Variants in MTREX observed in about 807,000 individuals in gnomAD.
The protein encoded by MTREX is exosome RNA helicase MTR4.
A neutral mutation model predicts 135.4 loss-of-function variants in MTREX; 76 were observed. The observed-to-expected ratio is 0.56, with a 90% confidence interval of 0.47 to 0.68. MTREX has a LOEUF of 0.68. Among genes scored for constraint, MTREX ranks in the 30% least tolerant of loss-of-function variants. The pLI, the probability that MTREX is intolerant of heterozygous loss-of-function variation, is 0.00. For synonymous variants in MTREX, 404 were observed against 401.6 expected (o/e 1.01, Z -0.07); for missense variants, 920 against 1,262.1 (o/e 0.73, Z 4.11).
chr5:55,372,844 C>T (rs1445317078), intron 16 of MTREX, among the ~76,000 whole-genome samples: 4 of 144,996 alleles, frequency 2.8e-5, no homozygotes, highest in Non-Finnish European at 6.0e-5. Flanking sequence ...AAAGCATGAA[C>T]AACAGAAGAA....
chr5:55,397,550 AGTATAAATTTTAT>A (rs1750664640), intron 20 of MTREX, 24 bp downstream of exon 20: 2 of 1,396,548 alleles, frequency 1.4e-6, no homozygotes, highest in Non-Finnish European at 2.0e-6. Flanking sequence ...TCATAAGTTA[AGTATAAATTTTAT>A]GTAAATACAG....
chr5:55,361,233 T>TA (rs1750000885), intron 15 of MTREX, among the ~76,000 whole-genome samples: 1 of 152,208 alleles, frequency 6.6e-6, no homozygotes, highest in Non-Finnish European at 1.5e-5. Flanking sequence ...ACTGAGTACT[T>TA]AAAGTCATTT....
intron 2 of MTREX, 39 bp from the exon 3 acceptor site, chr5:55,324,093 T>C (rs1032123298): frequency 2.8e-6 from 4 of 1,432,016 alleles, no homozygotes; most frequent in East Asian, 4.8e-5. Context: ...TATAGAAAAG[T>C]AATTTGTTTT....
intron 1 of MTREX, among the ~76,000 whole-genome samples, chr5:55,311,547 G>T (rs1218391747): frequency 6.6e-6 from 1 of 152,138 alleles, no homozygotes; most frequent in Non-Finnish European, 1.5e-5. Context: ...TCCTGGATTT[G>T]CTTTCTTAAA....
At chr5:55,391,125 G>A (rs1220877620) in intron 19 of MTREX, among the ~76,000 whole-genome samples, 1 of 152,074 alleles carries the variant, frequency 6.6e-6, no homozygotes, top group Non-Finnish European at 1.5e-5. Flanking sequence ...CCTTTAGAGT[G>A]CACCTAGCTT....
intron 16 of MTREX, among the ~76,000 whole-genome samples, chr5:55,373,047 A>AT (rs113177192): frequency 6.7e-5 from 10 of 149,918 alleles, no homozygotes; most frequent in Admixed American, 1.3e-4. Flanking sequence ...TAGAAATTAG[A>AT]TTTTTTTTAA....
At chr5:55,400,960 G>A (rs1469360530) in intron 21 of MTREX, among the ~76,000 whole-genome samples, 1 of 152,142 alleles carries the variant, frequency 6.6e-6, no homozygotes, top group African/African-American at 2.4e-5. Flanking sequence ...TGTCTTCAGG[G>A]TTTATGCCTG....
At chr5:55,412,248 T>C (rs1490968993) in intron 23 of MTREX, among the ~76,000 whole-genome samples, 2 of 152,212 alleles carry the variant, frequency 1.3e-5, no homozygotes, top group Non-Finnish European at 2.9e-5. Context: ...CTAGTAAATA[T>C]AGTAAAATAC....
At chr5:55,408,509 CTTTT>C (rs2111608829) in intron 22 of MTREX, among the ~76,000 whole-genome samples, 1 of 152,178 alleles carries the variant, frequency 6.6e-6, no homozygotes, top group South Asian at 2.1e-4. Context: ...TAGTTTTTGA[CTTTT>C]ATTTATAAAT....
Position 55,378,367 on chromosome 5 carries a change from A to C in MTREX, c.1864A>C (p.Ser622Arg), listed in dbSNP as rs370017938. The change falls in exon 17 of 27, where the codon AGT (serine) becomes CGT (arginine). Residue 622 changes from serine (S) to arginine (R), a missense_variant. Physicochemically the swap from Ser to Arg is moderately radical, Grantham distance 110 (BLOSUM62 -1). This residue lies in a region of MTREX where 467 missense variants were observed against 589.7 expected (regional missense o/e 0.79). Transcript: ENST00000230640. ...YNKIVIPNEE[S>R]VVIYYKIRQQ... ...TAAAATAGTAATTCCCAATGAAGAA[A>C]GTGTGGTTATCTATTATAAGATTAG... The C allele has an allele frequency of 1.9e-6, 3 of 1,609,552 alleles. No homozygotes were observed. The African/African-American group carries it at 4.0e-5, about 22-fold the overall frequency.
At chr5:55,418,104 G>A (rs948947086) in intron 25 of MTREX, among the ~76,000 whole-genome samples, 3 of 151,194 alleles carry the variant, frequency 2.0e-5, no homozygotes, top group Non-Finnish European at 1.5e-5. Flanking sequence ...TGTGGTGGCA[G>A]GAGCCTGTAG....
intron 19 of MTREX, among the ~76,000 whole-genome samples, chr5:55,390,528 CATTG>C (rs1750550905): frequency 6.6e-6 from 1 of 152,254 alleles, no homozygotes; most frequent in African/African-American, 2.4e-5. Flanking sequence ...CTCTGAATTA[CATTG>C]ATTAACAGAG....
intron 21 of MTREX, among the ~76,000 whole-genome samples, chr5:55,402,883 ATTTC>A (rs1206021599): frequency 2.7e-5 from 3 of 112,612 alleles, no homozygotes; most frequent in African/African-American, 3.7e-5. Context: ...TATATATATA[ATTTC>A]TTTTTTTTTT....
At chr5:55,391,259 T>C (rs1231068823) in intron 19 of MTREX, among the ~76,000 whole-genome samples, 1 of 151,842 alleles carries the variant, frequency 6.6e-6, no homozygotes, top group Non-Finnish European at 1.5e-5. Context: ...TGGGGCAACA[T>C]AGTGAAACCC....
intron 1 of MTREX, among the ~76,000 whole-genome samples, chr5:55,311,857 C>T (rs1749118572): frequency 6.6e-6 from 1 of 151,738 alleles, no homozygotes. Context: ...TTCTTTTTAC[C>T]TTTTTAAATG....
chr5:55,319,012 C>T (rs1490992018), intron 1 of MTREX, among the ~76,000 whole-genome samples: 4 of 152,054 alleles, frequency 2.6e-5, no homozygotes, highest in East Asian at 1.9e-4. Flanking sequence ...CACTTTACCA[C>T]GTTTACTTTA....
At chr5:55,309,001 T>C (rs915610393) in intron 1 of MTREX, among the ~76,000 whole-genome samples, 45 of 149,852 alleles carry the variant, frequency 3.0e-4, no homozygotes, top group African/African-American at 1.1e-3. Flanking sequence ...ACAGTATAGG[T>C]GAGGAGGTCG....
intron 18 of MTREX, among the ~76,000 whole-genome samples, chr5:55,381,855 C>T (rs1337222213): frequency 1.3e-5 from 2 of 152,142 alleles, no homozygotes; most frequent in African/African-American, 2.4e-5. Context: ...ATTGAAGTCT[C>T]GTAACTATTG....
chr5:55,373,531 T>G (rs1689029368), intron 16 of MTREX, among the ~76,000 whole-genome samples: 1 of 152,182 alleles, frequency 6.6e-6, no homozygotes, highest in South Asian at 2.1e-4. Context: ...TAGGACCTTT[T>G]TAGACTTTGT....
Sources: allele counts gnomAD v4.1 joint callset (sites outside exome capture counted in the v4.1 genomes callset), GRCh38; gene constraint gnomAD v4.1.1; regional missense constraint gnomAD v4.1.1; transcripts MANE v1.5; gene names NCBI Gene and HGNC (gene_info 2026-07-23, HGNC 2026-07-21).